Variants in PDGFRA observed in about 807,000 individuals in gnomAD.
PDGFRA encodes the protein platelet derived growth factor receptor alpha, also known as platelet-derived growth factor receptor alpha.
In PDGFRA, 25 loss-of-function variants were observed where a neutral mutation model predicts 121.5. The observed-to-expected ratio is 0.21, with a 90% CI of 0.15 to 0.29. The LOEUF (loss-of-function observed/expected upper bound fraction) is 0.29, where lower values mean the gene tolerates loss of function less well. Among genes scored for constraint, PDGFRA ranks in the 10% least tolerant of loss-of-function variants. The pLI is 1.00. For missense variants in PDGFRA, 1,008 were observed against 1,345.1 expected, an observed-to-expected ratio of 0.75 and a Z score of 3.92; for synonymous variants, 463 against 494.8, an observed-to-expected ratio of 0.94 and a Z score of 0.85.
intron 1 of PDGFRA, among the ~76,000 whole-genome samples, chr4:54,246,472 GTA>G (rs1355020718): frequency 6.6e-6 from 1 of 152,136 alleles, no homozygotes; most frequent in African/African-American, 2.4e-5. Flanking sequence ...TGACTACTGG[GTA>G]CATAACGAAA....
intron 1 of PDGFRA, among the ~76,000 whole-genome samples, chr4:54,249,359 C>G (rs1185227204): frequency 2.6e-5 from 4 of 152,088 alleles, no homozygotes; most frequent in Non-Finnish European, 5.9e-5. Flanking sequence ...GCACTATTCA[C>G]AATAGCAAAG....
rs1724562537 is a variant in PDGFRA, at chr4:54,290,361, G to A, written c.2929G>A (p.Val977Met). 1.2e-6 allele frequency: 2 copies of A among 1,612,126 alleles called. No homozygotes were observed. The highest frequency in any genetic ancestry group is 1.7e-5 in the Admixed American group (1 of 60,012). Residue 977 changes from valine to methionine, a missense_variant, in exon 22 of 23, where the codon GTG (valine) becomes ATG (methionine). By Grantham distance (21) the Val-to-Met change is conservative. Around this residue, in one of 5 missense-constraint regions of PDGFRA, gnomAD observed 204 missense variants for 243.0 expected, o/e 0.84. Coordinates refer to ENST00000257290, the MANE Select transcript of PDGFRA (RefSeq NM_006206.6). Reference protein sequence around the residue: ...LDFLKSDHPAVARMRVDSDNA... With the variant: ...LDFLKSDHPAMARMRVDSDNA... The stretch of plus-strand genomic sequence containing the variant: ...CTTCCTGAAGAGTGACCATCCTGCT[G>A]TGGCACGCATGCGTGTGGACTCAGA...
Position 54,258,714 on chromosome 4 carries a change from T to C in PDGFRA, c.-12-43T>C, listed in dbSNP as rs745899243. On this transcript the variant is annotated intron_variant, in intron 1 of 22. Coordinates refer to ENST00000257290, the MANE Select transcript of PDGFRA (RefSeq NM_006206.6). Reference sequence around the variant, plus strand: ...AAGAGAACTAGGCTCCAGGGTTGTTTCTATTTGCTAATGCTGTTTCTGTTG... The same window carrying C: ...AAGAGAACTAGGCTCCAGGGTTGTTCCTATTTGCTAATGCTGTTTCTGTTG... The C allele has an allele frequency of 2.4e-6, 3 of 1,235,684 alleles. No homozygotes were observed. In the South Asian group the frequency reaches 3.6e-5, roughly 15 times the overall value. The allele number at this position is 1,235,684 out of a possible 1,614,324, so 76.5% of individuals were successfully genotyped here. A position where few individuals can be genotyped will look rare whatever the true frequency, so the allele number is the denominator to read the frequency against.
At chr4:54,240,820 G>A (rs1296967567) in intron 1 of PDGFRA, among the ~76,000 whole-genome samples, 1 of 152,164 alleles carries the variant, frequency 6.6e-6, no homozygotes, top group Non-Finnish European at 1.5e-5. Context: ...GTTTTGTCAG[G>A]GAAATAATTT....
intron 9 of PDGFRA, 151 bp downstream of exon 9, chr4:54,272,671 G>A: frequency 2.4e-6 from 2 of 823,948 alleles, no homozygotes; most frequent in Non-Finnish European, 4.0e-6. Flanking sequence ...GAATAGCTGT[G>A]AGAAGAAGGT....
chr4:54,247,383 G>T (rs183715404), intron 1 of PDGFRA, among the ~76,000 whole-genome samples: 10 of 152,162 alleles, frequency 6.6e-5, no homozygotes, highest in Non-Finnish European at 1.3e-4. Flanking sequence ...GATCAAGTTG[G>T]CTTCATGCCT....
chr4:54,286,891 A>G (rs1465219607), intron 18 of PDGFRA, among the ~76,000 whole-genome samples: 1 of 152,216 alleles, frequency 6.6e-6, no homozygotes, highest in Non-Finnish European at 1.5e-5. Flanking sequence ...AGCAGATGAC[A>G]TAGCTCCCTG....
chr4:54,270,470 T>G (rs1560475562), intron 7 of PDGFRA, among the ~76,000 whole-genome samples, 163 bp from the exon 8 acceptor site: 1 of 152,144 alleles, frequency 6.6e-6, no homozygotes, highest in Non-Finnish European at 1.5e-5. Flanking sequence ...CTTCAGTGTG[T>G]GCACTATATA....
At chr4:54,246,511 G>C (rs1027632085) in intron 1 of PDGFRA, among the ~76,000 whole-genome samples, 2 of 152,108 alleles carry the variant, frequency 1.3e-5, no homozygotes, top group Admixed American at 6.6e-5. Flanking sequence ...GATGTTCTTT[G>C]AACCGACGAG....
At chr4:54,284,718 C>T (rs1193903990) in intron 16 of PDGFRA, among the ~76,000 whole-genome samples, 2 of 152,014 alleles carry the variant, frequency 1.3e-5, no homozygotes, top group Non-Finnish European at 2.9e-5. Flanking sequence ...CCAGTCACCT[C>T]CCACCAGGCC....
chr4:54,287,929 G>T (rs1230204828), intron 19 of PDGFRA, among the ~76,000 whole-genome samples: 3 of 152,138 alleles, frequency 2.0e-5, no homozygotes, highest in Non-Finnish European at 4.4e-5. Context: ...TGATGCTCAG[G>T]TGAAAAGGGG....
In PDGFRA at chr4:54,274,630, A is replaced by G. The variant is rs764012027; in HGVS notation, c.1653+5A>G. On this transcript the variant is annotated splice_donor_5th_base_variant and intron_variant, in intron 11 of 22. Transcript: ENST00000257290. The stretch of plus-strand genomic sequence containing the variant: ...CTGGTTGTCATTTGGAAACAGGTAG[A>G]TATTTTCTCATAAAACTAAAGATCT... The G allele has an allele frequency of 5.0e-6, 8 of 1,599,602 alleles. No individual in the cohort carries two copies. Among genetic ancestry groups the G allele is most frequent in the East Asian group, 4.5e-5 (2 of 44,824 alleles).
At position 54,253,111 on chromosome 4, in the gene PDGFRA, A is replaced by G. The variant is rs111282979; in HGVS notation, c.-12-5646A>G. ...TGGGAGTGGACTGCTGGTGTGGGCT[A>G]AATCAGAGTTCAGATCCATGTCTCC... On this transcript the variant is annotated intron_variant, in intron 1 of 22. Coordinates refer to ENST00000257290, the MANE Select transcript of PDGFRA (RefSeq NM_006206.6). Among the ~76,000 whole-genome samples, 808 of 152,232 alleles carry G rather than the reference A, an allele frequency of 5.3e-3. 9 individuals carry two copies. The highest frequency in any genetic ancestry group is 0.017 in the African/African-American group (722 of 41,538).
rs1720534024 is a variant in PDGFRA, at chr4:54,229,403, A to G, written c.-25A>G. ...TGTGGGACATTCATTGCGGAATAACATCGGAGGAGAAGGTAAGGGAAAAGA... is the reference window on the plus strand; with the variant it reads ...TGTGGGACATTCATTGCGGAATAACGTCGGAGGAGAAGGTAAGGGAAAAGA... On this transcript the variant is annotated 5_prime_UTR_variant, in exon 1 of 23. Coordinates refer to ENST00000257290, the MANE Select transcript of PDGFRA (RefSeq NM_006206.6). 7.5e-6 allele frequency: 3 copies of G among 398,390 alleles called. No homozygotes were observed. The highest frequency in any genetic ancestry group is 1.3e-5 in the Non-Finnish European group (3 of 226,046). 24.7% of individuals were successfully genotyped at this position (398,390 alleles called of 1,614,324 possible).
At chr4:54,269,774 C>T (rs1176863171) in intron 7 of PDGFRA, among the ~76,000 whole-genome samples, 1 of 151,242 alleles carries the variant, frequency 6.6e-6, no homozygotes, top group Admixed American at 6.6e-5. Context: ...TCCTGAGTAG[C>T]TGGGATTACA....
intron 1 of PDGFRA, among the ~76,000 whole-genome samples, chr4:54,234,353 G>A (rs183235950): frequency 1.3e-5 from 2 of 152,350 alleles, no homozygotes; most frequent in South Asian, 2.1e-4. Flanking sequence ...AACATTTGGG[G>A]TAGTGGAGCT....
At chr4:54,248,206 A>G (rs1356427615) in intron 1 of PDGFRA, among the ~76,000 whole-genome samples, 1 of 152,206 alleles carries the variant, frequency 6.6e-6, no homozygotes, top group Admixed American at 6.5e-5. Context: ...ACAGAATTGG[A>G]AAAAACTACT....
intron 2 of PDGFRA, among the ~76,000 whole-genome samples, chr4:54,259,099 A>C (rs1722540418): frequency 6.6e-6 from 1 of 151,906 alleles, no homozygotes; most frequent in African/African-American, 2.4e-5. Context: ...TTTACTTACT[A>C]CTCTCTTCCT....
chr4:54,294,187 C>T (rs1442558620), intron 22 of PDGFRA, among the ~76,000 whole-genome samples: 2 of 151,660 alleles, frequency 1.3e-5, no homozygotes, highest in African/African-American at 4.8e-5. Flanking sequence ...GTGTTTATAT[C>T]TCTTGAGCAT....
Sources: allele counts gnomAD v4.1 joint callset (sites outside exome capture counted in the v4.1 genomes callset), GRCh38; gene constraint gnomAD v4.1.1; regional missense constraint gnomAD v4.1.1; transcripts MANE v1.5; gene names NCBI Gene and HGNC (gene_info 2026-07-23, HGNC 2026-07-21).